The following FLVCR2 variants were observed in gnomAD, a reference collection of about 807,000 sequenced individuals.
The protein encoded by FLVCR2 is choline/ethanolamine transporter FLVCR2.
A neutral mutation model predicts 48.9 loss-of-function variants in FLVCR2; 38 were observed. The ratio of observed to expected loss-of-function variants is 0.78; its 90% CI spans 0.60 to 1.02. FLVCR2 has a LOEUF of 1.02. Ranked by LOEUF, FLVCR2 falls within the 50% of genes least tolerant of loss-of-function variation. The pLI is 0.00. For synonymous variants in FLVCR2, 255 were observed against 257.0 expected (o/e 0.99, Z 0.07); for missense variants, 664 against 663.3 (o/e 1.00, Z -0.01).
chr14:75,646,277 G>A, intron 9 of FLVCR2, 124 bp from the exon 10 acceptor site: 1 of 712,178 alleles, frequency 1.4e-6, no homozygotes, highest in Non-Finnish European at 2.6e-6. Context: ...TTGGCTCTCT[G>A]GGATGCTGAG....
intron 1 of FLVCR2, among the ~76,000 whole-genome samples, chr14:75,581,713 G>A (rs914068262): frequency 6.6e-5 from 10 of 152,202 alleles, no homozygotes; most frequent in Non-Finnish European, 1.3e-4. Context: ...GGGCATGTGA[G>A]TAAAGTCAAT....
At chr14:75,590,070 C>T (rs569464123) in intron 1 of FLVCR2, among the ~76,000 whole-genome samples, 9 of 152,362 alleles carry the variant, frequency 5.9e-5, no homozygotes, top group African/African-American at 2.2e-4. Flanking sequence ...ATGGCCCTGG[C>T]TTCTGGCAAG....
At chr14:75,596,161 G>T in intron 1 of FLVCR2, 1 of 780,506 alleles carries the variant, frequency 1.3e-6, no homozygotes, top group South Asian at 1.4e-5. Flanking sequence ...TGAAGTCGTC[G>T]GTTGATCATG....
chr14:75,605,384 A>T, intron 1 of FLVCR2: 1 of 1,304,948 alleles, frequency 7.7e-7, no homozygotes, highest in Non-Finnish European at 1.0e-6. Context: ...TTGATTCTAC[A>T]GAGCTAAGGG....
At chr14:75,596,362 C>G (rs1469092189) in intron 1 of FLVCR2, among the ~76,000 whole-genome samples, 1 of 152,166 alleles carries the variant, frequency 6.6e-6, no homozygotes, top group Non-Finnish European at 1.5e-5. Context: ...AGACCACCCT[C>G]TGAAATGGTT....
intron 1 of FLVCR2, among the ~76,000 whole-genome samples, chr14:75,619,380 C>T (rs1376828662): frequency 6.6e-6 from 1 of 151,486 alleles, no homozygotes; most frequent in Non-Finnish European, 1.5e-5. Flanking sequence ...TTTTTCTTAC[C>T]ACTGTGAGTA....
At chr14:75,612,268 T>A (rs1429190364) in intron 1 of FLVCR2, among the ~76,000 whole-genome samples, 1 of 152,208 alleles carries the variant, frequency 6.6e-6, no homozygotes, top group Non-Finnish European at 1.5e-5. Flanking sequence ...AGCTGCTGCT[T>A]CCTGCATTTC....
chr14:75,633,587 G>A, intron 3 of FLVCR2, 42 bp from the exon 4 acceptor site: 7 of 1,547,236 alleles, frequency 4.5e-6, no homozygotes, highest in Non-Finnish European at 6.3e-6. Flanking sequence ...GGCCCCAGAA[G>A]AAAGCTGACC....
At chr14:75,639,302 C>G (rs773111814) in intron 5 of FLVCR2, 50 bp from the exon 6 acceptor site, 2 of 1,080,946 alleles carry the variant, frequency 1.9e-6, no homozygotes, top group East Asian at 2.4e-5. Context: ...AATGAATGAG[C>G]CTATTAAAGT....
At chr14:75,628,720 A>C (rs1484561185) in intron 3 of FLVCR2, among the ~76,000 whole-genome samples, 1 of 152,176 alleles carries the variant, frequency 6.6e-6, no homozygotes, top group Non-Finnish European at 1.5e-5. Flanking sequence ...CAGCTCTGCC[A>C]GATACTGAGT....
At chr14:75,627,664 C>A (rs1889938798) in intron 3 of FLVCR2, among the ~76,000 whole-genome samples, 1 of 152,212 alleles carries the variant, frequency 6.6e-6, no homozygotes. Flanking sequence ...GCTATTTAAC[C>A]TGACTTGGAG....
Position 75,579,160 on chromosome 14 carries a change from GC to G in FLVCR2, c.189del (p.Leu64TrpfsTer14). 4 of 1,614,028 alleles carry G rather than the reference GC, an allele frequency of 2.5e-6. No homozygotes were observed. Among genetic ancestry groups the G allele is most frequent in the Non-Finnish European group, 2.5e-6 (3 of 1,180,040 alleles). ...CCCAGTGCCTTAGCCCAACCCAGTGGCTTGGCTCACCCCAGTAGCTCGGGCC... is the reference window on the plus strand; with the variant it reads ...CCCAGTGCCTTAGCCCAACCCAGTGGTTGGCTCACCCCAGTAGCTCGGGCC... Reference protein sequence around the residue: ...AHPSALAQPSGLAHPSSSGPE... With the variant: ...AHPSALAQPSXLAHPSSSGPE... On this transcript the variant is annotated frameshift_variant, in exon 1 of 10. Coordinates refer to ENST00000238667, the MANE Select transcript of FLVCR2 (RefSeq NM_017791.3). LOFTEE classifies it high-confidence loss of function.
chr14:75,601,524 T>C (rs966939210), intron 1 of FLVCR2, among the ~76,000 whole-genome samples: 5 of 151,816 alleles, frequency 3.3e-5, no homozygotes, highest in Non-Finnish European at 5.9e-5. Flanking sequence ...ATGGCTATTA[T>C]TAAAAAAAAA....
intron 1 of FLVCR2, among the ~76,000 whole-genome samples, chr14:75,602,435 C>T (rs1484193064): frequency 6.6e-6 from 1 of 152,136 alleles, no homozygotes; most frequent in East Asian, 1.9e-4. Flanking sequence ...TGGTGACCAG[C>T]CCCCTCCTGA....
In FLVCR2 at chr14:75,632,032, G is replaced by A. The variant is rs142269730; in HGVS notation, c.953-1597G>A. Among the ~76,000 whole-genome samples the A allele has an allele frequency of 1.5e-3, 236 of 152,320 alleles. 2 individuals carry two copies. The highest frequency in any genetic ancestry group is 5.4e-3 in the African/African-American group (224 of 41,556). ...AGGAGACTGCATTGAGCCCAACCTT[G>A]TAGCATCCCTGGGGTGAACTGCTGG... is the stretch of plus-strand genomic sequence containing the variant. On this transcript the variant is annotated intron_variant, in intron 3 of 9. Coordinates refer to ENST00000238667, the MANE Select transcript of FLVCR2 (RefSeq NM_017791.3).
chr14:75,644,806 G>T (rs1890381970), intron 9 of FLVCR2, among the ~76,000 whole-genome samples: 1 of 152,156 alleles, frequency 6.6e-6, no homozygotes, highest in South Asian at 2.1e-4. Flanking sequence ...GCACACGGCA[G>T]ATCTGGCCAG....
At chr14:75,605,418 A>G in intron 1 of FLVCR2, 2 of 1,446,714 alleles carry the variant, frequency 1.4e-6, no homozygotes, top group East Asian at 2.5e-5. Flanking sequence ...TGAGTCATTC[A>G]TAGGTGGGAG....
At position 75,579,340 on chromosome 14, in the gene FLVCR2, T is replaced by C. The variant is rs758888318; in HGVS notation, c.368T>C (p.Ile123Thr). ...TTCTACGGTGTCAGTGCCTTTGCCA[T>C]TGACTGGCTGTCCATGTGCTACATG... ...MHFYGVSAFA[I>T]DWLSMCYMLT... The change falls in exon 1 of 10, where the codon ATT (isoleucine) becomes ACT (threonine). Residue 123 changes from isoleucine (I) to threonine (T), a missense_variant. Transcript: ENST00000238667. The C allele has an allele frequency of 1.9e-6, 3 of 1,614,220 alleles. No individual in the cohort carries two copies. The highest frequency in any genetic ancestry group is 2.5e-6 in the Non-Finnish European group (3 of 1,180,040).
At chr14:75,613,221 C>A (rs1333118613) in intron 1 of FLVCR2, among the ~76,000 whole-genome samples, 1 of 152,102 alleles carries the variant, frequency 6.6e-6, no homozygotes, top group Non-Finnish European at 1.5e-5. Flanking sequence ...TTAATTGGCT[C>A]ATGGTTCTGC....
Sources: gnomAD v4.1 joint callset for allele counts (sites outside exome capture counted in the v4.1 genomes callset) on GRCh38, gnomAD v4.1.1 for gene constraint, MANE v1.5 for transcripts, NCBI Gene and HGNC (gene_info 2026-07-23, HGNC 2026-07-21) for gene names.